NEK10: variants seen among roughly 807,000 people sequenced by gnomAD.
NEK10 encodes serine/threonine-protein kinase Nek10.
In NEK10, 122 loss-of-function variants were observed where a neutral mutation model predicts 159.8. The ratio of observed to expected loss-of-function variants is 0.76; its 90% CI spans 0.66 to 0.89. The LOEUF (loss-of-function observed/expected upper bound fraction) is 0.89, where lower values mean the gene tolerates loss of function less well. NEK10 is among the 40% of genes least tolerant of loss of function. The pLI is 0.00. For synonymous variants in NEK10, 466 were observed against 457.1 expected, an observed-to-expected ratio of 1.02 and a Z score of -0.25; for missense variants, 1,342 against 1,323.1, an observed-to-expected ratio of 1.01 and a Z score of -0.22.
intron 5 of NEK10, among the ~76,000 whole-genome samples, chr3:27,335,394 A>G (rs966538403): frequency 6.6e-6 from 1 of 152,020 alleles, no homozygotes; most frequent in Non-Finnish European, 1.5e-5. Context: ...GATAGACTCT[A>G]ATACAATAAT....
rs746826945 is a variant in NEK10 at position 27,131,884 on chromosome 3, T to C, written c.3077A>G (p.Lys1026Arg). 3 of 1,549,052 alleles carry C rather than the reference T, an allele frequency of 1.9e-6. No homozygotes were observed. Among genetic ancestry groups the C allele is most frequent in the African/African-American group, 1.4e-5 (1 of 73,594 alleles). The change falls in exon 32 of 36, where the codon AAA becomes AGA. Residue 1026 changes from lysine (K) to arginine (R), a missense_variant. Transcript: ENST00000691995. ...SNPCNLKSEI[K>R]KLSQGSPEPI... ...CCTATATATAGAATACCATACCTTT[T>C]TAATTTCAGATTTCAAATTACAAGG... is the stretch of plus-strand genomic sequence containing the variant.
Position 27,254,918 on chromosome 3 carries a change from TACACACACAC to T in NEK10, c.2090+1368_2090+1377del, listed in dbSNP as rs3035705. On this transcript the variant is annotated intron_variant, in intron 23 of 35. Coordinates refer to ENST00000691995, the MANE Select transcript of NEK10 (RefSeq NM_001394966.1). ...TTCTATGGATTCTGTCTCTTTCTCT[TACACACACAC>T]ACACACACACACACACACACACACA... 7.0e-5 allele frequency among the ~76,000 whole-genome samples: 10 copies of T among 141,886 alleles called. No individual in the cohort carries two copies. The East Asian group carries it at 1.7e-3, about 24-fold the overall frequency. The allele number at this position is 141,886 out of a possible 152,430, so 93.1% of individuals were successfully genotyped here.
rs371226843 is a variant in NEK10 at position 27,301,771 on chromosome 3, G to T, written c.1093C>A (p.Arg365=). Residue 365 remains arginine, a synonymous_variant, in exon 13 of 36, where the codon CGA becomes AGA. Coordinates refer to ENST00000691995, the MANE Select transcript of NEK10 (RefSeq NM_001394966.1). ...GSLSSANAAG[R]IQQLHLSEDL... is the part of the protein sequence containing the mutation. ...TCTGATAAATGAAGCTGCTGGATTC[G>T]GCCTGCAGCATTTGCACTGGACAGG... 3.2e-6 allele frequency: 5 copies of T among 1,561,434 alleles called. No homozygotes were observed. The highest frequency in any genetic ancestry group is 1.4e-5 in the African/African-American group (1 of 73,414).
intron 14 of NEK10, among the ~76,000 whole-genome samples, chr3:27,296,936 C>T (rs1318487028): frequency 6.6e-6 from 1 of 152,080 alleles, no homozygotes; most frequent in Non-Finnish European, 1.5e-5. Flanking sequence ...AAAGGGACCG[C>T]ACATAACATA....
At chr3:27,144,341 T>C (rs1944086071) in intron 30 of NEK10, among the ~76,000 whole-genome samples, 2 of 152,240 alleles carry the variant, frequency 1.3e-5, no homozygotes, top group African/African-American at 4.8e-5. Flanking sequence ...ACACTTCCTT[T>C]GCTTTCAATT....
chr3:27,256,376 A>G lies in NEK10; in HGVS notation c.2015-5T>C. ...GCTTTGCCAGGCCAAAGTCAGCTAC[A>G]ATTCACAAAACAACGCAATATGTTA... On this transcript the variant is annotated splice_region_variant and splice_polypyrimidine_tract_variant and intron_variant, in intron 22 of 35. Transcript: ENST00000691995. 6.4e-7 allele frequency: 1 copy of G among 1,561,198 alleles called. No homozygotes were observed. The highest frequency in any genetic ancestry group is 8.7e-7 in the Non-Finnish European group (1 of 1,155,894).
intron 5 of NEK10, among the ~76,000 whole-genome samples, chr3:27,331,262 A>AAAAAAAAAAAAAAAAAAAAAAAACACAC: frequency 9.1e-6 from 1 of 110,082 alleles, no homozygotes; most frequent in African/African-American, 2.9e-5. Context: ...AAAAAAAAAA[A>AAAAAAAAAAAAAAAAAAAAAAAACACAC]ACACACAAAC....
chr3:27,271,025 T>C (rs73161105), intron 22 of NEK10, among the ~76,000 whole-genome samples: 40,358 of 152,056 alleles, frequency 0.27, 5,489 homozygotes, highest in Middle Eastern at 0.39. Context: ...GAAAGATCCA[T>C]GAGAGGACTT....
At position 27,107,701 on chromosome 3, in the gene NEK10, C is replaced by G. The variant is rs1296189082; in HGVS notation, c.*3571G>C. Among the ~76,000 whole-genome samples the G allele has an allele frequency of 6.6e-6, 1 of 152,126 alleles. No homozygotes were observed. The highest frequency in any genetic ancestry group is 1.5e-5 in the Non-Finnish European group (1 of 68,008). ...CCTTCATAGCTGTAACTCCAGGGTG[C>G]CAAGAAGCTGTTTCAGATAGATTTC... On this transcript the variant is annotated 3_prime_UTR_variant, in exon 36 of 36. Transcript: ENST00000691995.
At chr3:27,231,621 G>A (rs953628165) in intron 23 of NEK10, among the ~76,000 whole-genome samples, 5 of 151,770 alleles carry the variant, frequency 3.3e-5, no homozygotes, top group African/African-American at 1.2e-4. Flanking sequence ...GAAAAGAAGA[G>A]AGAAGATCCA....
intron 23 of NEK10, chr3:27,215,942 C>A: frequency 1.7e-6 from 1 of 592,592 alleles, no homozygotes; most frequent in Non-Finnish European, 3.1e-6. Flanking sequence ...GGGAGAAATT[C>A]GCCCCCATAA....
At position 27,301,847 on chromosome 3, in the gene NEK10, AAGTTAATGCAT is replaced by A. The variant is rs1315161760; in HGVS notation, c.1029-23_1029-13del. 1 of 1,546,298 alleles carries A rather than the reference AAGTTAATGCAT, an allele frequency of 6.5e-7. No individual in the cohort carries two copies. The highest frequency in any genetic ancestry group is 8.8e-7 in the Non-Finnish European group (1 of 1,142,180). The stretch of plus-strand genomic sequence containing the variant: ...CAAAATTTCTGTCTCTGAAAAAGAA[AAGTTAATGCAT>A]AGACCATTTATCAATTTCCCTTCAC... On this transcript the variant is annotated splice_polypyrimidine_tract_variant and intron_variant, in intron 12 of 35. Coordinates refer to ENST00000691995, the MANE Select transcript of NEK10 (RefSeq NM_001394966.1).
At chr3:27,242,520 T>C (rs1055412505) in intron 23 of NEK10, among the ~76,000 whole-genome samples, 12 of 97,472 alleles carry the variant, frequency 1.2e-4, no homozygotes, top group East Asian at 5.6e-4. Flanking sequence ...AGATCCAGGA[T>C]TGGGCCCAGG....
rs1331832065 is a variant in NEK10, at chr3:27,156,931, T to G, written c.2869+5770A>C. ...ATCAAGGAGTGCATAAAGAAACTGA[T>G]ATATATATATATATATATATATATA... is the stretch of plus-strand genomic sequence containing the variant. On this transcript the variant is annotated intron_variant, in intron 30 of 35. Transcript: ENST00000691995. Among the ~76,000 whole-genome samples, 4 of 5,298 alleles carry G rather than the reference T, an allele frequency of 7.6e-4. No individual in the cohort carries two copies. The African/African-American group carries it at 8.1e-3, about 11-fold the overall frequency. 3.5% of individuals were successfully genotyped at this position (5,298 alleles called of 152,430 possible).
chr3:27,364,979 T>C (rs888097856), intron 1 of NEK10, among the ~76,000 whole-genome samples: 6 of 152,180 alleles, frequency 3.9e-5, no homozygotes, highest in African/African-American at 1.4e-4. Flanking sequence ...GTTCATTCAT[T>C]TGCCAAGGTC....
chr3:27,200,917 G>C (rs766698445), intron 25 of NEK10, among the ~76,000 whole-genome samples: 16 of 152,134 alleles, frequency 1.1e-4, no homozygotes, highest in Non-Finnish European at 2.2e-4. Flanking sequence ...CATGTGGCTG[G>C]AGCAGAGAAA....
intron 1 of NEK10, among the ~76,000 whole-genome samples, chr3:27,367,144 T>C (rs572814173): frequency 8.8e-4 from 134 of 152,222 alleles, no homozygotes; most frequent in Non-Finnish European, 1.7e-3. Flanking sequence ...AAGCTTACTA[T>C]ATATAAAGCA....
intron 29 of NEK10, among the ~76,000 whole-genome samples, chr3:27,170,667 G>A (rs1422870767): frequency 6.6e-6 from 1 of 152,134 alleles, no homozygotes; most frequent in African/African-American, 2.4e-5. Flanking sequence ...GGAAGGCAGA[G>A]GTTGCAGTGA....
intron 23 of NEK10, among the ~76,000 whole-genome samples, chr3:27,220,462 A>G (rs1361026690): frequency 6.6e-6 from 1 of 152,136 alleles, no homozygotes; most frequent in African/African-American, 2.4e-5. Flanking sequence ...GACATTTGTC[A>G]TTACACTGGG....
Sources: allele counts gnomAD v4.1 joint callset (sites outside exome capture counted in the v4.1 genomes callset), GRCh38; gene constraint gnomAD v4.1.1; transcripts MANE v1.5; gene names NCBI Gene and HGNC (gene_info 2026-07-23, HGNC 2026-07-21).